Variants in EHBP1 observed in about 807,000 individuals in gnomAD.
EHBP1 encodes the protein EH domain binding protein 1.
EHBP1 carries 55 observed loss-of-function variants against 144.0 expected under a neutral mutation model. That is an observed-to-expected ratio of 0.38 (90% CI 0.31 to 0.48). The LOEUF (loss-of-function observed/expected upper bound fraction) is 0.48. Among genes scored for constraint, EHBP1 ranks in the 20% least tolerant of loss-of-function variants. The pLI, the probability that EHBP1 is intolerant of heterozygous loss-of-function variation, is 0.98. For synonymous variants in EHBP1, 469 were observed against 472.7 expected (o/e 0.99, Z 0.10); for missense variants, 1,200 against 1,364.2 (o/e 0.88, Z 1.90).
intron 2 of EHBP1, among the ~76,000 whole-genome samples, chr2:62,745,000 G>C (rs756215286): frequency 6.6e-6 from 1 of 152,062 alleles, no homozygotes; most frequent in African/African-American, 2.4e-5. Context: ...ATTTAGAAAC[G>C]CTTCCCTAGA....
In EHBP1 at chr2:62,876,397, A is replaced by G. The variant is rs137921686; in HGVS notation, c.1185+1865A>G. ...GCCAAACTAAACTTCGTAAGATAAG[A>G]AGAAATAAATTTCTTTTCAGAAAAG... On this transcript the variant is annotated intron_variant, in intron 10 of 22. Coordinates refer to ENST00000431489, the MANE Select transcript of EHBP1 (RefSeq NM_001142616.3). 1.5e-3 allele frequency among the ~76,000 whole-genome samples: 234 copies of G among 152,346 alleles called. 4 individuals are homozygous for G. The East Asian group carries it at 0.041, about 27-fold the overall frequency.
intron 14 of EHBP1, among the ~76,000 whole-genome samples, chr2:62,956,377 T>C (rs1313623107): frequency 2.6e-5 from 4 of 152,146 alleles, no homozygotes; most frequent in Admixed American, 2.6e-4. Context: ...TAGTTGTTTT[T>C]CCCAGAAAGA....
At chr2:62,948,178 A>G in intron 12 of EHBP1, 82 bp from the exon 13 acceptor site, 1 of 1,326,812 alleles carries the variant, frequency 7.5e-7, no homozygotes, top group Non-Finnish European at 1.0e-6. Flanking sequence ...CCCAAACAAC[A>G]AAAATTAAAA....
intron 10 of EHBP1, among the ~76,000 whole-genome samples, chr2:62,918,673 A>G (rs1364455692): frequency 6.6e-6 from 1 of 152,180 alleles, no homozygotes; most frequent in Non-Finnish European, 1.5e-5. Flanking sequence ...TCCTCATTTT[A>G]CATTGATTCA....
chr2:62,892,195 C>G (rs147429895), intron 10 of EHBP1, among the ~76,000 whole-genome samples: 20 of 152,226 alleles, frequency 1.3e-4, no homozygotes, highest in Non-Finnish European at 1.0e-4. Flanking sequence ...GATACTGAAG[C>G]TATTTTTCCA....
intron 2 of EHBP1, among the ~76,000 whole-genome samples, chr2:62,720,099 T>C (rs1370327971): frequency 1.3e-5 from 2 of 152,220 alleles, no homozygotes; most frequent in African/African-American, 4.8e-5. Flanking sequence ...GTCAAGTGTC[T>C]AAAACAGGTG....
intron 7 of EHBP1, among the ~76,000 whole-genome samples, chr2:62,835,260 CTTTA>C (rs1248463593): frequency 2.6e-5 from 4 of 152,022 alleles, no homozygotes. Context: ...ATTTATATTA[CTTTA>C]TTTATACTTT....
intron 2 of EHBP1, among the ~76,000 whole-genome samples, chr2:62,746,380 A>ATG (rs1175552658): frequency 3.3e-5 from 5 of 151,956 alleles, no homozygotes; most frequent in Admixed American, 6.6e-5. Context: ...GAGGCCTCTT[A>ATG]TGTGTGTGTA....
intron 1 of EHBP1, among the ~76,000 whole-genome samples, chr2:62,689,901 AT>A (rs2033846318): frequency 6.6e-6 from 1 of 152,248 alleles, no homozygotes; most frequent in African/African-American, 2.4e-5. Context: ...AGTAGTGTTT[AT>A]AACTTTAGGA....
At chr2:63,006,836 T>C (rs2060058497) in intron 19 of EHBP1, among the ~76,000 whole-genome samples, 1 of 151,700 alleles carries the variant, frequency 6.6e-6, no homozygotes, top group African/African-American at 2.4e-5. Flanking sequence ...TATATATATA[T>C]ATGTCAGGAT....
At chr2:62,733,753 C>G (rs1396881092) in intron 2 of EHBP1, among the ~76,000 whole-genome samples, 1 of 152,216 alleles carries the variant, frequency 6.6e-6, no homozygotes, top group Non-Finnish European at 1.5e-5. Flanking sequence ...TGGTAGGGCT[C>G]CTGGAGGTAA....
At chr2:62,705,217 G>C (rs573341635), upstream of EHBP1, among the ~76,000 whole-genome samples, 2 of 152,230 alleles carry the variant, frequency 1.3e-5, no homozygotes, top group East Asian at 3.9e-4. Context: ...AGTGGCGGAG[G>C]AGAGGGCGCG....
At chr2:63,000,332 A>G (rs939108330) in intron 19 of EHBP1, among the ~76,000 whole-genome samples, 16 of 151,794 alleles carry the variant, frequency 1.1e-4, no homozygotes, top group African/African-American at 3.6e-4. Context: ...GTAATCCTAA[A>G]TCAGTGATAG....
intron 10 of EHBP1, among the ~76,000 whole-genome samples, chr2:62,929,988 T>C (rs1479571665): frequency 6.6e-6 from 1 of 152,222 alleles, no homozygotes; most frequent in African/African-American, 2.4e-5. Context: ...AGCTAACACC[T>C]GTAATCCTAG....
At chr2:62,746,261 G>GT (rs1031852480) in intron 2 of EHBP1, among the ~76,000 whole-genome samples, 20 of 151,642 alleles carry the variant, frequency 1.3e-4, no homozygotes, top group Non-Finnish European at 1.8e-4. Context: ...TGAACAAGGT[G>GT]TTTTTTTTGT....
chr2:62,687,076 T>C (rs2033743104), intron 1 of EHBP1, among the ~76,000 whole-genome samples: 2 of 152,182 alleles, frequency 1.3e-5, no homozygotes, highest in South Asian at 4.1e-4. Context: ...CACTTAATGC[T>C]ACCTCCTGTC....
chr2:63,004,664 C>G, intron 19 of EHBP1, among the ~76,000 whole-genome samples: 1 of 152,024 alleles, frequency 6.6e-6, no homozygotes, highest in East Asian at 1.9e-4. Flanking sequence ...AAATTTATGT[C>G]ACAGTATTCA....
intron 7 of EHBP1, among the ~76,000 whole-genome samples, chr2:62,839,707 G>A (rs1031546519): frequency 6.6e-6 from 1 of 152,148 alleles, no homozygotes; most frequent in African/African-American, 2.4e-5. Context: ...AACAGACAGA[G>A]AGCCAAATCA....
intron 5 of EHBP1, among the ~76,000 whole-genome samples, chr2:62,783,690 A>C (rs2042612773): frequency 2.6e-5 from 4 of 152,246 alleles, no homozygotes; most frequent in African/African-American, 9.6e-5. Flanking sequence ...GGCTGCACAC[A>C]GCAGGGGAGC....
Sources: allele counts gnomAD v4.1 joint callset (sites outside exome capture counted in the v4.1 genomes callset), GRCh38; gene constraint gnomAD v4.1.1; transcripts MANE v1.5; gene names NCBI Gene and HGNC (gene_info 2026-07-23, HGNC 2026-07-21).